PIK3C2A: variants seen among roughly 807,000 people sequenced by gnomAD.
PIK3C2A encodes the protein phosphatidylinositol-4-phosphate 3-kinase catalytic subunit type 2 alpha, also known as phosphatidylinositol 4-phosphate 3-kinase C2 domain-containing subunit alpha.
In PIK3C2A, 97 loss-of-function variants were observed where a neutral mutation model predicts 204.5. The ratio of observed to expected loss-of-function variants is 0.47; its 90% CI spans 0.40 to 0.56. The LOEUF is 0.56. Ranked by LOEUF, PIK3C2A falls within the 20% of genes least tolerant of loss-of-function variation. The pLI is 0.00. For missense variants in PIK3C2A, 1,735 were observed against 1,969.2 expected (o/e 0.88, Z 2.25); for synonymous variants, 653 against 664.4 (o/e 0.98, Z 0.26).
rs113063147 is a variant in PIK3C2A at position 17,182,032 on chromosome 11, C to T, written c.-65-12226G>A. 5.3e-3 allele frequency among the ~76,000 whole-genome samples: 799 copies of T among 150,120 alleles called. 5 individuals are homozygous for T. Among genetic ancestry groups the T allele is most frequent in the African/African-American group, 0.017 (696 of 40,726 alleles). On this transcript the variant is annotated intron_variant, in intron 1 of 32. Coordinates refer to ENST00000691414, the MANE Select transcript of PIK3C2A (RefSeq NM_002645.4). Reference sequence around the variant, plus strand: ...GCTTGAACCTGGGAAATGGAGGTTGCGGTTAGCCAAGACCGTGCCATTGTA... The same window carrying T: ...GCTTGAACCTGGGAAATGGAGGTTGTGGTTAGCCAAGACCGTGCCATTGTA...
chr11:17,105,072 G>A, intron 23 of PIK3C2A, 97 bp downstream of exon 23: 1 of 866,466 alleles, frequency 1.2e-6, no homozygotes, highest in Non-Finnish European at 1.9e-6. Context: ...TAGACTAAAT[G>A]ACTATTTGGT....
At chr11:17,108,707 A>G (rs947218336) in intron 22 of PIK3C2A, among the ~76,000 whole-genome samples, 3 of 152,238 alleles carry the variant, frequency 2.0e-5, no homozygotes, top group African/African-American at 7.2e-5. Context: ...ATGACAACTT[A>G]CTGATTTTAT....
chr11:17,151,066 C>T (rs1417698993), intron 3 of PIK3C2A, among the ~76,000 whole-genome samples: 2 of 152,108 alleles, frequency 1.3e-5, no homozygotes, highest in Non-Finnish European at 2.9e-5. Context: ...AGTTGGTTGT[C>T]TTAAAAAATA....
Position 17,097,234 on chromosome 11 carries a change from G to A in PIK3C2A, c.4149C>T (p.Ala1383=). The change falls in exon 27 of 33, where the codon GCC becomes GCT. Residue 1383 remains alanine, a synonymous_variant. Transcript: ENST00000691414. Reference sequence around the variant, plus strand: ...TGTGAATGAAGAAGTTAAACTTTGTGGCAATGCTTCCCAAACTTGATTCAA... The same window carrying A: ...TGTGAATGAAGAAGTTAAACTTTGTAGCAATGCTTCCCAAACTTGATTCAA... ...RLIESSLGSI[A]TKFNFFIHNL... 1 of 1,613,328 alleles carries A rather than the reference G, an allele frequency of 6.2e-7. No homozygotes were observed. The highest frequency in any genetic ancestry group is 1.1e-5 in the South Asian group (1 of 91,002).
intron 19 of PIK3C2A, among the ~76,000 whole-genome samples, chr11:17,116,337 C>G (rs1257764591): frequency 6.6e-6 from 1 of 151,996 alleles, no homozygotes; most frequent in South Asian, 2.1e-4. Context: ...AAAACCACAA[C>G]GAGATACTGC....
chr11:17,181,681 C>CAA (rs1851570412), intron 1 of PIK3C2A, among the ~76,000 whole-genome samples: 3 of 133,246 alleles, frequency 2.3e-5, no homozygotes, highest in African/African-American at 8.3e-5. Context: ...CACACACACA[C>CAA]ACACACACAC....
At chr11:17,206,666 G>A (rs963535091) in intron 1 of PIK3C2A, among the ~76,000 whole-genome samples, 5 of 151,620 alleles carry the variant, frequency 3.3e-5, no homozygotes, top group Non-Finnish European at 7.4e-5. Context: ...TGAACCACAA[G>A]CCAAGGAGGC....
chr11:17,168,585 AC>A, intron 2 of PIK3C2A, 91 bp downstream of exon 2: 2 of 880,020 alleles, frequency 2.3e-6, no homozygotes, highest in Non-Finnish European at 1.7e-6. Flanking sequence ...CTTCTTAAAA[AC>A]AAAAACAAAA....
At position 17,119,276 on chromosome 11, in the gene PIK3C2A, A is replaced by G. The variant is rs756778500; in HGVS notation, c.2884T>C (p.Trp962Arg). ...DQEVRSLAVT[W>R]IEAISDDELT... Reference sequence around the variant, plus strand: ...TCATCATCACTAATGGCCTCAATCCAGGTCACAGCTAGGGATCTTACTTCC... The same window carrying G: ...TCATCATCACTAATGGCCTCAATCCGGGTCACAGCTAGGGATCTTACTTCC... The change falls in exon 17 of 33, where the codon TGG (tryptophan) becomes CGG (arginine). Residue 962 changes from tryptophan (W) to arginine (R), a missense_variant. Around this residue, in one of 6 missense-constraint regions of PIK3C2A, gnomAD observed 567 missense variants for 576.0 expected, o/e 0.98. Coordinates refer to ENST00000691414, the MANE Select transcript of PIK3C2A (RefSeq NM_002645.4). The G allele has an allele frequency of 3.1e-6, 5 of 1,608,154 alleles. No homozygotes were observed. In the Admixed American group the frequency reaches 5.0e-5, roughly 16 times the overall value.
intron 4 of PIK3C2A, among the ~76,000 whole-genome samples, chr11:17,149,492 T>C (rs1850359809): frequency 6.6e-6 from 1 of 152,186 alleles, no homozygotes; most frequent in Non-Finnish European, 1.5e-5. Context: ...ACAGATGATA[T>C]TTAGCAGTAT....
Position 17,135,117 on chromosome 11 carries a change from T to C in PIK3C2A, c.1891A>G (p.Thr631Ala). Residue 631 changes from threonine (T) to alanine (A), a missense_variant, in exon 10 of 33, where the codon ACT becomes GCT. By Grantham distance (58) the Thr-to-Ala change is moderately conservative. Around this residue, in one of 6 missense-constraint regions of PIK3C2A, gnomAD observed 567 missense variants for 576.0 expected, o/e 0.98. Transcript: ENST00000691414. Reference sequence around the variant, plus strand: ...TAAAGATTTAAACACATACCCCTAGTTGAACTCCTGCTAGTGTCTTCTCCT... The same window carrying C: ...TAAAGATTTAAACACATACCCCTAGCTGAACTCCTGCTAGTGTCTTCTCCT... ...FGGEDTSRSS[T>A]RGSLNPENPV... 6.2e-7 allele frequency: 1 copy of C among 1,613,994 alleles called. No individual in the cohort carries two copies. The highest frequency in any genetic ancestry group is 2.2e-5 in the East Asian group (1 of 44,872).
chr11:17,099,124 A>C (rs910597472), intron 26 of PIK3C2A, among the ~76,000 whole-genome samples: 1 of 152,048 alleles, frequency 6.6e-6, no homozygotes, highest in Non-Finnish European at 1.5e-5. Context: ...TGAACTCCCA[A>C]CCTCAGGTAA....
chr11:17,100,344 G>A (rs1343893316), intron 25 of PIK3C2A, among the ~76,000 whole-genome samples: 1 of 151,094 alleles, frequency 6.6e-6, no homozygotes, highest in Non-Finnish European at 1.5e-5. Flanking sequence ...CTCCTGAGTA[G>A]TTGGGATTAC....
chr11:17,119,136 TA>T, intron 17 of PIK3C2A, 83 bp downstream of exon 17: 1 of 797,000 alleles, frequency 1.3e-6, no homozygotes. Context: ...ACTTTTAATC[TA>T]AACAGAATGG....
intron 8 of PIK3C2A, among the ~76,000 whole-genome samples, chr11:17,137,080 A>G (rs1849896770): frequency 6.6e-6 from 1 of 152,168 alleles, no homozygotes; most frequent in African/African-American, 2.4e-5. Flanking sequence ...ATATTAAGAA[A>G]CATTCTTATA....
rs766909331 is a variant in PIK3C2A, at chr11:17,169,144, A to G, written c.598T>C (p.Leu200=). The change falls in exon 2 of 33, where the codon TTG becomes CTG. Residue 200 remains leucine, a synonymous_variant. Transcript: ENST00000691414. ...PGQSPYFSYP[L]TPATPFHPQG... ...GGATGAAAGGGTGTGGCAGGTGTCA[A>G]AGGATATGAGAAATATGGAGATTGT... 6.2e-7 allele frequency: 1 copy of G among 1,614,130 alleles called. No individual in the cohort carries two copies. The highest frequency in any genetic ancestry group is 8.5e-7 in the Non-Finnish European group (1 of 1,179,996).
chr11:17,097,076 T>C lies in PIK3C2A; in HGVS notation c.4307A>G (p.Tyr1436Cys). ...ACTTACATAATGTTTATCTGGGTTG[T>C]ATTTCTTATGATATGTAAAAACAGA... ...EVSVFTYHKK[Y>C]NPDKHYIYVV... Residue 1436 changes from tyrosine to cysteine, a missense_variant, in exon 27 of 33, where the codon TAC becomes TGC. Tyr to Cys is a radical substitution (Grantham distance 194). This residue lies in a region of PIK3C2A where 503 missense variants were observed against 669.0 expected (regional missense o/e 0.75). Transcript: ENST00000691414. 2 of 1,574,958 alleles carry C rather than the reference T, an allele frequency of 1.3e-6. No homozygotes were observed. Among genetic ancestry groups the C allele is most frequent in the Non-Finnish European group, 1.7e-6 (2 of 1,144,588 alleles).
intron 4 of PIK3C2A, among the ~76,000 whole-genome samples, chr11:17,149,089 C>T (rs1850346692): frequency 6.6e-6 from 1 of 152,142 alleles, no homozygotes; most frequent in South Asian, 2.1e-4. Context: ...AAAACTGCAT[C>T]TGTACTGAAT....
At chr11:17,164,687 C>T (rs771765607) in intron 2 of PIK3C2A, among the ~76,000 whole-genome samples, 5 of 152,098 alleles carry the variant, frequency 3.3e-5, no homozygotes, top group Non-Finnish European at 5.9e-5. Flanking sequence ...TAATCCTTCC[C>T]CTATATTTTT....
Sources: gnomAD v4.1 joint callset for allele counts (sites outside exome capture counted in the v4.1 genomes callset) on GRCh38, gnomAD v4.1.1 for gene constraint, gnomAD v4.1.1 regional missense constraint, MANE v1.5 for transcripts, NCBI Gene and HGNC (gene_info 2026-07-23, HGNC 2026-07-21) for gene names.